CRISPLD1: variants seen among roughly 807,000 people sequenced by gnomAD.
CRISPLD1 encodes cysteine rich secretory protein LCCL domain containing 1.
A neutral mutation model predicts 77.5 loss-of-function variants in CRISPLD1; 60 were observed. The ratio of observed to expected loss-of-function variants is 0.77; its 90% CI spans 0.63 to 0.96. The LOEUF (loss-of-function observed/expected upper bound fraction) is 0.96. Ranked by LOEUF, CRISPLD1 falls within the 40% of genes least tolerant of loss-of-function variation. The pLI is 0.00. For synonymous variants in CRISPLD1, 195 were observed against 200.1 expected, an observed-to-expected ratio of 0.97 and a Z score of 0.22; for missense variants, 623 against 615.8, an observed-to-expected ratio of 1.01 and a Z score of -0.12.
At chr8:75,028,752 A>T (rs1322441304) in intron 13 of CRISPLD1, among the ~76,000 whole-genome samples, 4 of 152,190 alleles carry the variant, frequency 2.6e-5, no homozygotes, top group African/African-American at 9.7e-5. Context: ...AGACCATTCA[A>T]ACTAAGTTGA....
chr8:75,028,928 A>G (rs937515046), intron 13 of CRISPLD1, among the ~76,000 whole-genome samples: 1 of 152,176 alleles, frequency 6.6e-6, no homozygotes, highest in Non-Finnish European at 1.5e-5. Context: ...ATGCAGAACT[A>G]TGGTGGAGTT....
At chr8:74,994,917 T>A (rs7016744) in intron 2 of CRISPLD1, among the ~76,000 whole-genome samples, 15,854 of 152,062 alleles carry the variant, frequency 0.1, 894 homozygotes, top group South Asian at 0.12. Context: ...CAGCTTTAGG[T>A]AGAGAAAGAT....
chr8:75,005,391 A>T (rs1188759894), intron 2 of CRISPLD1, among the ~76,000 whole-genome samples: 3 of 142,798 alleles, frequency 2.1e-5, no homozygotes, highest in Non-Finnish European at 4.5e-5. Flanking sequence ...ATATAATCAA[A>T]GATATAAATT....
At chr8:75,010,094 C>A (rs1051393078) in intron 2 of CRISPLD1, among the ~76,000 whole-genome samples, 1 of 152,086 alleles carries the variant, frequency 6.6e-6, no homozygotes, top group Non-Finnish European at 1.5e-5. Flanking sequence ...GCAACTCTTG[C>A]TGCTCTTGTA....
At chr8:74,991,797 T>C (rs1178264222) in intron 2 of CRISPLD1, among the ~76,000 whole-genome samples, 1 of 152,176 alleles carries the variant, frequency 6.6e-6, no homozygotes, top group African/African-American at 2.4e-5. Context: ...CCCAAAGTGC[T>C]GGACAGGTGT....
At chr8:75,003,055 G>C (rs997799438) in intron 2 of CRISPLD1, among the ~76,000 whole-genome samples, 3 of 152,168 alleles carry the variant, frequency 2.0e-5, no homozygotes, top group Non-Finnish European at 4.4e-5. Flanking sequence ...GGCATTCAAG[G>C]AAAACAGGAA....
intron 1 of CRISPLD1, among the ~76,000 whole-genome samples, chr8:74,985,514 A>C (rs1417054922): frequency 6.6e-6 from 1 of 152,218 alleles, no homozygotes; most frequent in Non-Finnish European, 1.5e-5. Flanking sequence ...TTCACACCTT[A>C]AAACTCTTCA....
At position 75,025,593 on chromosome 8, in the gene CRISPLD1, G is replaced by A. The variant is rs761680563; in HGVS notation, c.1292G>A (p.Arg431His). 1.7e-5 allele frequency: 27 copies of A among 1,588,438 alleles called. No individual in the cohort carries two copies. The highest frequency in any genetic ancestry group is 4.5e-5 in the East Asian group (2 of 44,404). Residue 431 changes from arginine to histidine, a missense_variant, in exon 13 of 15, where the codon CGT becomes CAT. By Grantham distance (29) the Arg-to-His change is conservative. Transcript: ENST00000262207. ...ATGCAAGCAAATCCACATTATGCTC[G>A]TGTAATTGGAACTCGAGTTTATTCT... ...NCMQANPHYA[R>H]VIGTRVYSDL...
chr8:75,029,629 G>A (rs181422565), intron 14 of CRISPLD1, 112 bp downstream of exon 14: 214 of 1,084,628 alleles, frequency 2.0e-4, no homozygotes, highest in Admixed American at 5.0e-4. Flanking sequence ...AAGTTAAGTG[G>A]CAGAGCCAGT....
intron 2 of CRISPLD1, among the ~76,000 whole-genome samples, chr8:74,999,216 T>TATAC (rs1408447701): frequency 2.6e-5 from 4 of 152,144 alleles, no homozygotes; most frequent in African/African-American, 7.2e-5. Context: ...GTCAACTACT[T>TATAC]ATACATACAT....
chr8:74,992,175 G>T (rs1459809755), intron 2 of CRISPLD1, among the ~76,000 whole-genome samples: 1 of 152,102 alleles, frequency 6.6e-6, no homozygotes, highest in Admixed American at 6.6e-5. Context: ...ATGGAGGACA[G>T]GTAAGACAGA....
In CRISPLD1 at chr8:75,034,466, C is replaced by T. The variant is rs1813412993; in HGVS notation, c.*2224C>T. 6.6e-6 allele frequency: 1 copy of T among 152,016 alleles called. No homozygotes were observed. The highest frequency in any genetic ancestry group is 1.5e-5 in the Non-Finnish European group (1 of 67,940). The allele number at this position is 152,016 out of a possible 1,614,324, so 9.4% of individuals were successfully genotyped here. ...ATTCATCTGTCATATACTATTGATC[C>T]TTTGGCACTTAAATAAATGTGAAAT... On this transcript the variant is annotated 3_prime_UTR_variant, in exon 15 of 15. Transcript: ENST00000262207.
At chr8:74,998,040 A>T (rs544246142) in intron 2 of CRISPLD1, among the ~76,000 whole-genome samples, 2 of 152,190 alleles carry the variant, frequency 1.3e-5, no homozygotes, top group African/African-American at 4.8e-5. Context: ...TTTAGAGAGC[A>T]TGTTTGCAGG....
At chr8:74,984,994 A>G (rs1411306586) in intron 1 of CRISPLD1, 74 bp downstream of exon 1, 1 of 145,484 alleles carries the variant, frequency 6.9e-6, no homozygotes, top group Non-Finnish European at 1.5e-5. Flanking sequence ...GCCTTCTTAA[A>G]CTGTACTTAA....
chr8:75,012,766 ATTTAAG>A (rs962062499), intron 3 of CRISPLD1, 118 bp from the exon 4 acceptor site: 27 of 1,110,230 alleles, frequency 2.4e-5, no homozygotes, highest in East Asian at 5.0e-5. Flanking sequence ...GGGCATAAAA[ATTTAAG>A]TTTAATAGTT....
intron 2 of CRISPLD1, among the ~76,000 whole-genome samples, chr8:75,007,662 A>ATT (rs1812856575): frequency 1.2e-5 from 1 of 81,034 alleles, no homozygotes; most frequent in African/African-American, 6.6e-5. Flanking sequence ...TGAACCATCG[A>ATT]CTTTTTTTTT....
At chr8:75,024,107 A>G (rs965503204) in intron 12 of CRISPLD1, among the ~76,000 whole-genome samples, 1 of 152,136 alleles carries the variant, frequency 6.6e-6, no homozygotes, top group African/African-American at 2.4e-5. Context: ...GCAGAAGCCT[A>G]TTGTGTGTGT....
chr8:74,997,641 C>G (rs1313484531), intron 2 of CRISPLD1, among the ~76,000 whole-genome samples: 1 of 152,044 alleles, frequency 6.6e-6, no homozygotes, highest in Non-Finnish European at 1.5e-5. Context: ...GACTGAGCCG[C>G]GGGGCATGCA....
At chr8:75,030,599 ATGTTAGATGCTCC>A (rs1813317710) in intron 14 of CRISPLD1, among the ~76,000 whole-genome samples, 1 of 152,024 alleles carries the variant, frequency 6.6e-6, no homozygotes, top group African/African-American at 2.4e-5. Flanking sequence ...AATATTCCAG[ATGTTAGATGCTCC>A]TGAGCACTCT....
Sources: gnomAD v4.1 joint callset for allele counts (sites outside exome capture counted in the v4.1 genomes callset) on GRCh38, gnomAD v4.1.1 for gene constraint, MANE v1.5 for transcripts, NCBI Gene and HGNC (gene_info 2026-07-23, HGNC 2026-07-21) for gene names.